COL21A1: variants seen among roughly 807,000 people sequenced by gnomAD.
The protein encoded by COL21A1 is collagen type XXI alpha 1 chain.
COL21A1 carries 149 observed loss-of-function variants against 137.9 expected under a neutral mutation model. The observed-to-expected ratio is 1.08, with a 90% CI of 0.95 to 1.24. The LOEUF (loss-of-function observed/expected upper bound fraction) is 1.24. Among genes scored for constraint, COL21A1 ranks in the 50% most tolerant of loss-of-function variants. The pLI, the probability that COL21A1 is intolerant of heterozygous loss-of-function variation, is 0.00. For synonymous variants in COL21A1, 456 were observed against 391.5 expected (o/e 1.16, Z -1.95); for missense variants, 1,167 against 1,158.4 (o/e 1.01, Z -0.11).
At chr6:56,073,804 C>T (rs950027644) in intron 20 of COL21A1, among the ~76,000 whole-genome samples, 15 of 151,372 alleles carry the variant, frequency 9.9e-5, no homozygotes, top group Non-Finnish European at 1.9e-4. Flanking sequence ...ACTCACAGAA[C>T]TAGTATAATT....
intron 1 of COL21A1, among the ~76,000 whole-genome samples, chr6:56,198,816 T>C (rs780915956): frequency 1.3e-5 from 2 of 152,118 alleles, no homozygotes; most frequent in African/African-American, 2.4e-5. Context: ...AGAATATGTA[T>C]GCTTAAAATT....
chr6:56,382,186 A>C (rs981532594), intron 1 of COL21A1, among the ~76,000 whole-genome samples: 1 of 152,172 alleles, frequency 6.6e-6, no homozygotes, highest in Non-Finnish European at 1.5e-5. Context: ...CTGGTGATTA[A>C]TCCCACGTTT....
At chr6:56,069,875 A>T (rs912076112) in intron 21 of COL21A1, among the ~76,000 whole-genome samples, 4 of 151,296 alleles carry the variant, frequency 2.6e-5, no homozygotes, top group African/African-American at 7.3e-5. Context: ...AAATTTAATT[A>T]TTTATATGTA....
chr6:56,070,367 G>T (rs1161269664), intron 21 of COL21A1, among the ~76,000 whole-genome samples: 1 of 151,492 alleles, frequency 6.6e-6, no homozygotes, highest in Non-Finnish European at 1.5e-5. Flanking sequence ...AGGCTATTGT[G>T]AGTTCTATAT....
At chr6:56,283,875 C>CACTCAA (rs1763842051) in intron 1 of COL21A1, among the ~76,000 whole-genome samples, 3 of 19,832 alleles carry the variant, frequency 1.5e-4, no homozygotes, top group South Asian at 2.1e-3. Context: ...CACACACACA[C>CACTCAA]TCTCTCTCTC....
At chr6:56,073,280 A>T (rs1411738745) in intron 20 of COL21A1, among the ~76,000 whole-genome samples, 2 of 151,476 alleles carry the variant, frequency 1.3e-5, no homozygotes, top group Non-Finnish European at 3.0e-5. Flanking sequence ...AGTCAGTCAC[A>T]CACAACTCTG....
chr6:56,390,596 T>C (rs1190265701), intron 1 of COL21A1, among the ~76,000 whole-genome samples: 1 of 142,964 alleles, frequency 7.0e-6, no homozygotes, highest in East Asian at 2.0e-4. Flanking sequence ...AGCCTGATAA[T>C]AAAGGAATGG....
At position 56,057,808 on chromosome 6, in the gene COL21A1, G is replaced by T; in HGVS notation, c.2723C>A (p.Pro908His). 6.3e-7 allele frequency: 1 copy of T among 1,592,932 alleles called. No individual in the cohort carries two copies. ...EGPPGISKEGPPGDPGLPGKD... is the reference protein window; with the variant it reads ...EGPPGISKEGHPGDPGLPGKD... ...GCCAGGGAGACCTGGGTCTCCTGGA[G>T]GACCTTCTTTGCTTATTCCAGGAGG... The change falls in exon 30 of 30, where the codon CCT (proline) becomes CAT (histidine). Residue 908 changes from proline to histidine, a missense_variant. Pro to His is a moderately conservative substitution (Grantham distance 77). Coordinates refer to ENST00000244728, the MANE Select transcript of COL21A1 (RefSeq NM_030820.4).
At chr6:56,392,277 A>T (rs984031183) in intron 1 of COL21A1, among the ~76,000 whole-genome samples, 4 of 152,142 alleles carry the variant, frequency 2.6e-5, no homozygotes, top group Non-Finnish European at 5.9e-5. Flanking sequence ...GACAAAAAAA[A>T]TTTGATAAAA....
intron 1 of COL21A1, among the ~76,000 whole-genome samples, chr6:56,307,437 C>A (rs1195084754): frequency 6.6e-6 from 1 of 152,206 alleles, no homozygotes; most frequent in African/African-American, 2.4e-5. Flanking sequence ...CACCCCTCCC[C>A]CAGCCTCGCT....
At chr6:56,188,034 T>C (rs1434396483) in intron 1 of COL21A1, among the ~76,000 whole-genome samples, 2 of 152,144 alleles carry the variant, frequency 1.3e-5, no homozygotes, top group African/African-American at 4.8e-5. Flanking sequence ...AAGCACATAA[T>C]ATAGTACTCA....
At chr6:56,390,870 G>T (rs1413294009) in intron 1 of COL21A1, among the ~76,000 whole-genome samples, 2 of 152,094 alleles carry the variant, frequency 1.3e-5, no homozygotes, top group Non-Finnish European at 2.9e-5. Context: ...TTCAATAATT[G>T]TTGGGAACCT....
chr6:56,197,503 A>G (rs987688714), intron 1 of COL21A1, among the ~76,000 whole-genome samples: 2 of 152,138 alleles, frequency 1.3e-5, no homozygotes, highest in Non-Finnish European at 2.9e-5. Flanking sequence ...AAACCCACAC[A>G]ATTCAATAGC....
At chr6:56,126,228 C>G in intron 12 of COL21A1, 79 bp from the exon 13 acceptor site, 1 of 895,300 alleles carries the variant, frequency 1.1e-6, no homozygotes, top group Non-Finnish European at 1.8e-6. Context: ...TTCAACCTCA[C>G]CCTTGTCAAA....
chr6:56,252,657 A>G (rs1043388696), intron 1 of COL21A1, among the ~76,000 whole-genome samples: 3 of 152,204 alleles, frequency 2.0e-5, no homozygotes, highest in African/African-American at 7.2e-5. Flanking sequence ...AAAGACAGTG[A>G]GTTCCATTGG....
intron 2 of COL21A1, among the ~76,000 whole-genome samples, chr6:56,180,422 A>G (rs906536940): frequency 5.9e-5 from 9 of 152,250 alleles, no homozygotes; most frequent in African/African-American, 2.2e-4. Flanking sequence ...AGATCACCCA[A>G]TGAATCAACT....
intron 1 of COL21A1, among the ~76,000 whole-genome samples, chr6:56,385,155 G>A (rs1379180731): frequency 6.6e-6 from 1 of 152,212 alleles, no homozygotes. Context: ...TCTGAGTGTG[G>A]CTTTCATGGT....
chr6:56,074,581 A>T (rs1189200122), intron 19 of COL21A1, among the ~76,000 whole-genome samples: 2 of 151,012 alleles, frequency 1.3e-5, no homozygotes, highest in Non-Finnish European at 3.0e-5. Flanking sequence ...ATAAAGGAAA[A>T]TTTTTTTTCT....
intron 1 of COL21A1, among the ~76,000 whole-genome samples, chr6:56,355,842 A>G (rs943104776): frequency 2.6e-5 from 4 of 152,206 alleles, no homozygotes; most frequent in Admixed American, 6.5e-5. Context: ...CCCTGTAACA[A>G]TATAAAGACC....
Sources: allele counts gnomAD v4.1 joint callset (sites outside exome capture counted in the v4.1 genomes callset), GRCh38; gene constraint gnomAD v4.1.1; transcripts MANE v1.5; gene names NCBI Gene and HGNC (gene_info 2026-07-23, HGNC 2026-07-21).